Variants in DNTTIP1 observed in about 807,000 individuals in gnomAD.
The protein encoded by DNTTIP1 is deoxynucleotidyltransferase terminal interacting protein 1, also known as deoxynucleotidyltransferase terminal-interacting protein 1.
Under a neutral mutation model 52.9 loss-of-function variants are expected in DNTTIP1, and 22 were observed. The ratio of observed to expected loss-of-function variants is 0.42; its 90% CI spans 0.30 to 0.59. The LOEUF (loss-of-function observed/expected upper bound fraction) is 0.59. Among genes scored for constraint, DNTTIP1 ranks in the 20% least tolerant of loss-of-function variants. The pLI is 0.22. For synonymous variants in DNTTIP1, 136 were observed against 155.1 expected, an observed-to-expected ratio of 0.88 and a Z score of 0.92; for missense variants, 286 against 435.5, an observed-to-expected ratio of 0.66 and a Z score of 3.06.
intron 6 of DNTTIP1, 133 bp downstream of exon 6, chr20:45,801,591 C>T (rs535281446): frequency 1.8e-5 from 16 of 898,290 alleles, no homozygotes; most frequent in Non-Finnish European, 2.5e-5. Context: ...AGTTTTGAGA[C>T]CAGTCTGGGT....
At chr20:45,801,488 C>A in intron 6 of DNTTIP1, 30 bp downstream of exon 6, 1 of 1,613,056 alleles carries the variant, frequency 6.2e-7, no homozygotes, top group East Asian at 2.2e-5. Context: ...TGTTTTCTGG[C>A]TGAAAAAAGG....
chr20:45,792,211 G>A (rs1981042970), intron 1 of DNTTIP1, 102 bp downstream of exon 1: 1 of 706,214 alleles, frequency 1.4e-6, no homozygotes, highest in Non-Finnish European at 2.0e-6. Flanking sequence ...TGGAGCTGCA[G>A]AGGGGGTTGG....
intron 10 of DNTTIP1, among the ~76,000 whole-genome samples, chr20:45,806,279 C>G (rs925298038): frequency 2.6e-5 from 4 of 150,988 alleles, no homozygotes; most frequent in African/African-American, 7.3e-5. Context: ...TCGCTTAAAC[C>G]CAGGAGGCAG....
At chr20:45,796,561 T>C (rs1467829710) in intron 4 of DNTTIP1, 1 of 471,090 alleles carries the variant, frequency 2.1e-6, no homozygotes, top group South Asian at 1.5e-5. Flanking sequence ...TGACATCAGG[T>C]CTATAAATGA....
At position 45,809,055 on chromosome 20, in the gene DNTTIP1, A is replaced by G; in HGVS notation, c.724-59A>G. The G allele has an allele frequency of 6.8e-7, 1 of 1,476,774 alleles. No homozygotes were observed. Among genetic ancestry groups the G allele is most frequent in the Admixed American group, 1.7e-5 (1 of 59,380 alleles). 91.5% of individuals were successfully genotyped at this position (1,476,774 alleles called of 1,614,324 possible). A position where few individuals can be genotyped will look rare whatever the true frequency, so the allele number is the denominator to read the frequency against. ...TCAAGGGCCAAGAGTATGCTCTGGG[A>G]CCAAATGAGAAAAGCCCCTTACCCG... On this transcript the variant is annotated intron_variant, in intron 10 of 12. Coordinates refer to ENST00000372622, the MANE Select transcript of DNTTIP1 (RefSeq NM_052951.3). The surrounding 1 kb of genome is among the most constrained non-coding windows in gnomAD (Gnocchi z 4.2).
chr20:45,801,931 T>G, intron 6 of DNTTIP1, 68 bp from the exon 7 acceptor site: 1 of 1,478,770 alleles, frequency 6.8e-7, no homozygotes. Flanking sequence ...CAAGTGACCC[T>G]GGACCTGCCA....
At chr20:45,802,556 A>G (rs1440229691) in intron 7 of DNTTIP1, among the ~76,000 whole-genome samples, 1 of 151,942 alleles carries the variant, frequency 6.6e-6, no homozygotes, top group East Asian at 1.9e-4. Context: ...TATCCCGTAT[A>G]CTCCCTGACC....
rs111681780 is a variant in DNTTIP1, at chr20:45,801,300, C to G, written c.442-102C>G. ...TGGGCTTCTTTGGCCTGGGTCAGAGCGGGGCTGGAGAGCTGTAGTCCAGGG... is the reference window on the plus strand; with the variant it reads ...TGGGCTTCTTTGGCCTGGGTCAGAGGGGGGCTGGAGAGCTGTAGTCCAGGG... On this transcript the variant is annotated intron_variant, in intron 5 of 12. Coordinates refer to ENST00000372622, the MANE Select transcript of DNTTIP1 (RefSeq NM_052951.3). The G allele has an allele frequency of 3.3e-5, 48 of 1,453,564 alleles. No homozygotes were observed. The African/African-American group carries it at 5.2e-4, about 16-fold the overall frequency. The allele number at this position is 1,453,564 out of a possible 1,614,324, so 90.0% of individuals were successfully genotyped here.
At position 45,811,348 on chromosome 20, in the gene DNTTIP1, G is replaced by A. The variant is rs1981846910; in HGVS notation, c.*153G>A. 9.5e-6 allele frequency: 7 copies of A among 739,072 alleles called. No homozygotes were observed. The highest frequency in any genetic ancestry group is 1.5e-5 in the Non-Finnish European group (7 of 472,370). 45.8% of individuals were successfully genotyped at this position (739,072 alleles called of 1,614,324 possible). On this transcript the variant is annotated 3_prime_UTR_variant, in exon 13 of 13. Coordinates refer to ENST00000372622, the MANE Select transcript of DNTTIP1 (RefSeq NM_052951.3). Reference sequence around the variant, plus strand: ...AGTGACTCACTGCACAGCACCCCCAGACTAGCATGTGGTTCTATATTTGTA... The same window carrying A: ...AGTGACTCACTGCACAGCACCCCCAAACTAGCATGTGGTTCTATATTTGTA...
At chr20:45,799,952 CAA>C (rs11360135) in intron 4 of DNTTIP1, among the ~76,000 whole-genome samples, 8,230 of 125,450 alleles carry the variant, frequency 0.066, 521 homozygotes, top group African/African-American at 0.17. Flanking sequence ...CTAAAAATAC[CAA>C]AAAAAAAAAA....
intron 10 of DNTTIP1, among the ~76,000 whole-genome samples, chr20:45,805,661 CAG>C (rs1813387938): frequency 6.6e-6 from 1 of 152,186 alleles, no homozygotes; most frequent in African/African-American, 2.4e-5. Flanking sequence ...TTGAAACAAT[CAG>C]AGGTTGAGAA....
intron 4 of DNTTIP1, among the ~76,000 whole-genome samples, chr20:45,800,742 T>C (rs1308771285): frequency 3.4e-5 from 3 of 89,222 alleles, no homozygotes; most frequent in African/African-American, 5.0e-5. Flanking sequence ...TATATATATA[T>C]ATATATATAT....
intron 7 of DNTTIP1, among the ~76,000 whole-genome samples, chr20:45,802,704 A>G (rs989128396): frequency 6.6e-6 from 1 of 152,114 alleles, no homozygotes; most frequent in Non-Finnish European, 1.5e-5. Flanking sequence ...GGTATTGTAC[A>G]TGAACTTAGA....
intron 4 of DNTTIP1, among the ~76,000 whole-genome samples, chr20:45,797,121 C>T (rs1003717583): frequency 6.6e-6 from 1 of 152,158 alleles, no homozygotes; most frequent in Non-Finnish European, 1.5e-5. Context: ...TACCCAGTTC[C>T]AATCCACTCT....
intron 4 of DNTTIP1, chr20:45,796,459 T>G: frequency 2.1e-6 from 1 of 470,330 alleles, no homozygotes; most frequent in Non-Finnish European, 4.4e-6. Flanking sequence ...CCCCTGCAGG[T>G]GCGTGGTGGA....
chr20:45,803,367 G>C lies in DNTTIP1; in HGVS notation c.592G>C (p.Glu198Gln), dbSNP rs1398130880. The change falls in exon 8 of 13, where the codon GAA (glutamate) becomes CAA (glutamine). Residue 198 changes from glutamate to glutamine, a missense_variant. Glu to Gln is a conservative substitution (Grantham distance 29). Coordinates refer to ENST00000372622, the MANE Select transcript of DNTTIP1 (RefSeq NM_052951.3). ...KPKSCEPIRR[E>Q]GPKWDPARLN... Reference sequence around the variant, plus strand: ...AAAATCCTGTGAACCAATTCGCCGGGAAGGCCCCAAGGTATGATTATGTGA... The same window carrying C: ...AAAATCCTGTGAACCAATTCGCCGGCAAGGCCCCAAGGTATGATTATGTGA... The C allele has an allele frequency of 3.1e-6, 5 of 1,614,044 alleles. No individual in the cohort carries two copies.
intron 10 of DNTTIP1, among the ~76,000 whole-genome samples, chr20:45,808,500 C>T (rs1981721410): frequency 6.6e-6 from 1 of 151,712 alleles, no homozygotes; most frequent in South Asian, 2.1e-4. Flanking sequence ...ATTAGCCGGG[C>T]GTGGTGGCGC....
chr20:45,792,300 C>G (rs980907458), intron 1 of DNTTIP1, among the ~76,000 whole-genome samples, 191 bp downstream of exon 1: 1 of 152,188 alleles, frequency 6.6e-6, no homozygotes, highest in Non-Finnish European at 1.5e-5. Context: ...TCTCTGTCAA[C>G]CCCCTGAGTC....
intron 4 of DNTTIP1, among the ~76,000 whole-genome samples, chr20:45,798,470 C>T (rs1981317335): frequency 6.6e-6 from 1 of 151,920 alleles, no homozygotes. Context: ...TACCCTAAAA[C>T]TTAAAGTATA....
Sources: allele counts gnomAD v4.1 joint callset (sites outside exome capture counted in the v4.1 genomes callset), GRCh38; gene constraint gnomAD v4.1.1; non-coding constraint Gnocchi (gnomAD v3.1); transcripts MANE v1.5; gene names NCBI Gene and HGNC (gene_info 2026-07-23, HGNC 2026-07-21).